Variants in GATAD2B observed in about 807,000 individuals in gnomAD.
GATAD2B encodes GATA zinc finger domain containing 2B.
In GATAD2B, 8 loss-of-function variants were observed where a neutral mutation model predicts 64.3. The ratio of observed to expected loss-of-function variants is 0.12; its 90% CI spans 0.07 to 0.22. The LOEUF is 0.22. Ranked by LOEUF, GATAD2B falls within the 10% of genes least tolerant of loss-of-function variation. The probability of loss-of-function intolerance (pLI) is 1.00; values close to 1 mark genes in which losing one functional copy is unlikely to be tolerated. For synonymous variants in GATAD2B, 281 were observed against 271.3 expected, an observed-to-expected ratio of 1.04 and a Z score of -0.35; for missense variants, 453 against 752.0, an observed-to-expected ratio of 0.60 and a Z score of 4.65.
intron 1 of GATAD2B, among the ~76,000 whole-genome samples, chr1:153,888,086 C>CAA (rs962698525): frequency 9.5e-5 from 12 of 126,206 alleles, no homozygotes; most frequent in Admixed American, 2.5e-4. Flanking sequence ...GGCTCTATCT[C>CAA]AAAAAAAAAA....
At chr1:153,861,295 T>A (rs1381402893) in intron 1 of GATAD2B, among the ~76,000 whole-genome samples, 1 of 152,008 alleles carries the variant, frequency 6.6e-6, no homozygotes, top group African/African-American at 2.4e-5. Flanking sequence ...CTCATGCCTG[T>A]AACCCTAGCA....
intron 1 of GATAD2B, among the ~76,000 whole-genome samples, chr1:153,846,557 C>CTTTTTT (rs887230575): frequency 2.5e-4 from 29 of 113,866 alleles, no homozygotes; most frequent in African/African-American, 3.2e-4. Flanking sequence ...TCTTTGCGTT[C>CTTTTTT]TTTTTTTTTT....
At chr1:153,810,379 C>G in intron 10 of GATAD2B, 69 bp from the exon 11 acceptor site, 1 of 1,517,818 alleles carries the variant, frequency 6.6e-7, no homozygotes, top group Non-Finnish European at 9.1e-7. Context: ...CCACTCTACC[C>G]TCGGGCTGCA....
chr1:153,820,025 G>A (rs1674623158), intron 2 of GATAD2B, among the ~76,000 whole-genome samples: 1 of 151,416 alleles, frequency 6.6e-6, no homozygotes, highest in South Asian at 2.1e-4. Flanking sequence ...TTGAACCTGG[G>A]AGGCAGAGGT....
intron 1 of GATAD2B, among the ~76,000 whole-genome samples, chr1:153,922,444 C>T (rs913183123): frequency 6.7e-6 from 1 of 149,868 alleles, no homozygotes; most frequent in Non-Finnish European, 1.5e-5. Context: ...GCTGGGGGCG[C>T]GCGAGGCCGA....
Position 153,828,016 on chromosome 1 carries a change from C to T in GATAD2B, c.332G>A (p.Arg111Gln), listed in dbSNP as rs1300040082. 8 of 1,611,450 alleles carry T rather than the reference C, an allele frequency of 5.0e-6. No homozygotes were observed. Among genetic ancestry groups the T allele is most frequent in the Non-Finnish European group, 6.8e-6 (8 of 1,177,782 alleles). ...NDEPVDMSARRSEPERGRLTP... is the reference protein window; with the variant it reads ...NDEPVDMSARQSEPERGRLTP... ...AGGCAGCTGAACTGAGCCATACCTCCGTCTAGCACTCATATCCACAGGCTC... is the reference window on the plus strand; with the variant it reads ...AGGCAGCTGAACTGAGCCATACCTCTGTCTAGCACTCATATCCACAGGCTC... The change falls in exon 2 of 11, where the codon CGG becomes CAG. Residue 111 changes from arginine (R) to glutamine (Q), a missense_variant. Around this residue, in one of 2 missense-constraint regions of GATAD2B, gnomAD observed 293 missense variants for 417.2 expected, o/e 0.70. Coordinates refer to ENST00000368655, the MANE Select transcript of GATAD2B (RefSeq NM_020699.4).
chr1:153,900,629 C>T (rs1213663804), intron 1 of GATAD2B, among the ~76,000 whole-genome samples: 2 of 152,098 alleles, frequency 1.3e-5, no homozygotes, highest in African/African-American at 4.8e-5. Flanking sequence ...AACCCTTCCA[C>T]CTTAGCCTCT....
At chr1:153,876,987 A>C (rs1676856581) in intron 1 of GATAD2B, among the ~76,000 whole-genome samples, 1 of 152,186 alleles carries the variant, frequency 6.6e-6, no homozygotes, top group Non-Finnish European at 1.5e-5. Flanking sequence ...ACTTCACTCC[A>C]GCCTGGGTGA....
chr1:153,908,422 C>A (rs542386458), intron 1 of GATAD2B, among the ~76,000 whole-genome samples: 42 of 151,780 alleles, frequency 2.8e-4, no homozygotes, highest in Non-Finnish European at 4.7e-4. Context: ...AAAGATCTTA[C>A]AACTAACTAA....
At chr1:153,908,950 C>T (rs1678034506) in intron 1 of GATAD2B, among the ~76,000 whole-genome samples, 2 of 152,010 alleles carry the variant, frequency 1.3e-5, no homozygotes, top group African/African-American at 4.8e-5. Context: ...GATTACATCT[C>T]AGCACTTTAG....
At chr1:153,855,428 T>C (rs140150131) in intron 1 of GATAD2B, among the ~76,000 whole-genome samples, 18 of 151,966 alleles carry the variant, frequency 1.2e-4, no homozygotes, top group African/African-American at 3.9e-4. Context: ...AGGGTTTTCC[T>C]ATGTTGGCCA....
intron 1 of GATAD2B, among the ~76,000 whole-genome samples, chr1:153,872,177 G>C (rs888743207): frequency 6.6e-6 from 1 of 151,598 alleles, no homozygotes; most frequent in Non-Finnish European, 1.5e-5. Context: ...AAAGTAGCTG[G>C]GTGTGGTAGC....
chr1:153,806,374 T>A lies in GATAD2B; in HGVS notation c.*3803A>T. 1 of 113,920 alleles carries A rather than the reference T, an allele frequency of 8.8e-6. No homozygotes were observed. Among genetic ancestry groups the A allele is most frequent in the African/African-American group, 3.5e-5 (1 of 28,850 alleles). The allele number at this position is 113,920 out of a possible 1,614,324, so 7.1% of individuals were successfully genotyped here. A position where few individuals can be genotyped will look rare whatever the true frequency, so the allele number is the denominator to read the frequency against. ...CAGGGTGGGGAGGCAAGGCACAAAT[T>A]AGGGGTGGGTGGTGGGGGAGGTGGC... On this transcript the variant is annotated 3_prime_UTR_variant, in exon 11 of 11. Transcript: ENST00000368655.
At chr1:153,838,228 AT>A (rs1053168672) in intron 1 of GATAD2B, among the ~76,000 whole-genome samples, 1 of 152,206 alleles carries the variant, frequency 6.6e-6, no homozygotes, top group Admixed American at 6.5e-5. Context: ...GTATCTGCAC[AT>A]CTATCCATCC....
In GATAD2B at chr1:153,911,047, C is replaced by T. The variant is rs1395585539; in HGVS notation, c.-2+11686G>A. 2.0e-5 allele frequency among the ~76,000 whole-genome samples: 3 copies of T among 152,138 alleles called. No homozygotes were observed. The East Asian group carries it at 5.8e-4, about 29-fold the overall frequency. On this transcript the variant is annotated intron_variant, in intron 1 of 10. Coordinates refer to ENST00000368655, the MANE Select transcript of GATAD2B (RefSeq NM_020699.4). ...TCTAAAATATTTCGGTTCACAGAAG[C>T]TTTAAGAGTATCAGTGAGAAATTCA...
chr1:153,816,427 C>T lies in GATAD2B; in HGVS notation c.1062G>A (p.Leu354=). ...DAANSQAAAK[L]ALRKQLEKTL... is the part of the protein sequence containing the mutation. ...TCTTTTCCAGCTGTTTGCGAAGAGCCAATTTGGCTGCAGCCTGTGAGTTGG... is the reference window on the plus strand; with the variant it reads ...TCTTTTCCAGCTGTTTGCGAAGAGCTAATTTGGCTGCAGCCTGTGAGTTGG... Residue 354 remains leucine, a synonymous_variant, in exon 7 of 11, where the codon TTG becomes TTA. Coordinates refer to ENST00000368655, the MANE Select transcript of GATAD2B (RefSeq NM_020699.4). The surrounding 1 kb of genome is among the most constrained non-coding windows in gnomAD (Gnocchi z 4.9). 1 of 1,614,174 alleles carries T rather than the reference C, an allele frequency of 6.2e-7. No individual in the cohort carries two copies.
chr1:153,856,586 CAAAT>C (rs1017529953), intron 1 of GATAD2B, among the ~76,000 whole-genome samples: 19 of 151,730 alleles, frequency 1.3e-4, no homozygotes, highest in South Asian at 2.1e-4. Flanking sequence ...AAAATTAAAA[CAAAT>C]AAGCTGAACA....
Position 153,848,736 on chromosome 1 carries a change from G to T in GATAD2B, c.-1-20388C>A, listed in dbSNP as rs573354143. Reference sequence around the variant, plus strand: ...TGGGAGGCCGAGGCGGGTGGATCATGAGGTCAGGAGTTCAAGAACAGCCTG... The same window carrying T: ...TGGGAGGCCGAGGCGGGTGGATCATTAGGTCAGGAGTTCAAGAACAGCCTG... On this transcript the variant is annotated intron_variant, in intron 1 of 10. Coordinates refer to ENST00000368655, the MANE Select transcript of GATAD2B (RefSeq NM_020699.4). Among the ~76,000 whole-genome samples, 10 of 152,242 alleles carry T rather than the reference G, an allele frequency of 6.6e-5. No individual in the cohort carries two copies. In the South Asian group the frequency reaches 2.1e-3, roughly 32 times the overall value.
chr1:153,918,253 T>C (rs1267837445), intron 1 of GATAD2B, among the ~76,000 whole-genome samples: 1 of 152,218 alleles, frequency 6.6e-6, no homozygotes, highest in Non-Finnish European at 1.5e-5. Context: ...ATTAGTAGCA[T>C]TACCCAAAAT....
Sources: allele counts gnomAD v4.1 joint callset (sites outside exome capture counted in the v4.1 genomes callset), GRCh38; gene constraint gnomAD v4.1.1; regional missense constraint gnomAD v4.1.1; non-coding constraint Gnocchi (gnomAD v3.1); transcripts MANE v1.5; gene names NCBI Gene and HGNC (gene_info 2026-07-23, HGNC 2026-07-21).